Variants in CAMTA1 observed in about 807,000 individuals in gnomAD.
The protein encoded by CAMTA1 is calmodulin binding transcription activator 1.
Under a neutral mutation model 170.9 loss-of-function variants are expected in CAMTA1, and 27 were observed. That is an observed-to-expected ratio of 0.16 (90% CI 0.12 to 0.22). CAMTA1 has a LOEUF of 0.22. Among genes scored for constraint, CAMTA1 ranks in the 10% least tolerant of loss-of-function variants. The pLI is 1.00. For synonymous variants in CAMTA1, 833 were observed against 891.5 expected (o/e 0.93, Z 1.17); for missense variants, 1,619 against 2,217.2 (o/e 0.73, Z 5.42).
In CAMTA1 at chr1:7,067,703, A is replaced by G. The variant is rs1035974074; in HGVS notation, c.235-23601A>G. Among the ~76,000 whole-genome samples, 1 of 152,186 alleles carries G rather than the reference A, an allele frequency of 6.6e-6. No individual in the cohort carries two copies. The highest frequency in any genetic ancestry group is 1.5e-5 in the Non-Finnish European group (1 of 68,036). On this transcript the variant is annotated intron_variant, in intron 3 of 22. Coordinates refer to ENST00000303635, the MANE Select transcript of CAMTA1 (RefSeq NM_015215.4). The surrounding 1 kb of genome is among the most constrained non-coding windows in gnomAD (Gnocchi z 4.3). ...AGGGCAACTTTTGATGGTTTCCCCAATAGCATTCCCGTCTTATTTCTTGCC... is the reference window on the plus strand; with the variant it reads ...AGGGCAACTTTTGATGGTTTCCCCAGTAGCATTCCCGTCTTATTTCTTGCC...
chr1:7,511,576 G>C (rs567436401), intron 6 of CAMTA1, among the ~76,000 whole-genome samples: 1 of 152,244 alleles, frequency 6.6e-6, no homozygotes, highest in Non-Finnish European at 1.5e-5. Flanking sequence ...TCCAGCTGCT[G>C]CTAGGCATTC....
chr1:6,953,143 GC>G (rs1317031800), intron 3 of CAMTA1, among the ~76,000 whole-genome samples: 2 of 152,174 alleles, frequency 1.3e-5, no homozygotes, highest in African/African-American at 4.8e-5. Flanking sequence ...TTGCCTGATA[GC>G]CCGTCCTGCA....
At chr1:7,514,376 G>A (rs1316536844) in intron 6 of CAMTA1, among the ~76,000 whole-genome samples, 2 of 152,222 alleles carry the variant, frequency 1.3e-5, no homozygotes, top group Non-Finnish European at 2.9e-5. Flanking sequence ...AGGTGCTCCA[G>A]AAGGGAAGGG....
intron 6 of CAMTA1, among the ~76,000 whole-genome samples, chr1:7,492,309 C>T (rs1459037656): frequency 6.6e-6 from 1 of 152,174 alleles, no homozygotes; most frequent in Non-Finnish European, 1.5e-5. Context: ...ACCTGCTCTG[C>T]CCTGCTTAGG....
chr1:6,878,675 G>A (rs1302142745), intron 3 of CAMTA1, among the ~76,000 whole-genome samples: 2 of 152,194 alleles, frequency 1.3e-5, no homozygotes, highest in Non-Finnish European at 2.9e-5. Context: ...GCTCCCCCAA[G>A]GATCCCCAGC....
intron 4 of CAMTA1, among the ~76,000 whole-genome samples, chr1:7,094,134 C>T (rs1641794569): frequency 6.6e-6 from 1 of 152,162 alleles, no homozygotes; most frequent in African/African-American, 2.4e-5. Flanking sequence ...CGGAAGGTTT[C>T]CTATTAGTAT....
At chr1:7,493,370 T>C (rs72642891) in intron 6 of CAMTA1, among the ~76,000 whole-genome samples, 20,915 of 75,366 alleles carry the variant, frequency 0.28, 3,067 homozygotes, top group Middle Eastern at 0.32. Context: ...CAAACACACG[T>C]GCGCACACAC....
intron 5 of CAMTA1, among the ~76,000 whole-genome samples, chr1:7,283,035 TAAGGAAC>T (rs893935555): frequency 1.9e-3 from 284 of 152,282 alleles, no homozygotes; most frequent in African/African-American, 6.1e-3. Flanking sequence ...TCTTCAATGA[TAAGGAAC>T]AAGTTAAATA....
chr1:7,124,120 C>T (rs1209816679), intron 4 of CAMTA1, among the ~76,000 whole-genome samples: 2 of 152,122 alleles, frequency 1.3e-5, no homozygotes, highest in Non-Finnish European at 2.9e-5. Context: ...CCGCATTTGT[C>T]ACTGGGTCCC....
chr1:6,858,489 G>GT (rs1663329739), intron 3 of CAMTA1, among the ~76,000 whole-genome samples: 2 of 146,408 alleles, frequency 1.4e-5, no homozygotes, highest in Non-Finnish European at 3.0e-5. Flanking sequence ...TGTGTGTTGG[G>GT]GGGGGGGTGT....
At chr1:7,587,429 G>A (rs2095320657) in intron 6 of CAMTA1, among the ~76,000 whole-genome samples, 1 of 152,110 alleles carries the variant, frequency 6.6e-6, no homozygotes, top group Non-Finnish European at 1.5e-5. Context: ...TGAGTCGGCA[G>A]CACGCCCTCC....
At chr1:6,932,662 G>A (rs1322365267) in intron 3 of CAMTA1, among the ~76,000 whole-genome samples, 1 of 152,136 alleles carries the variant, frequency 6.6e-6, no homozygotes, top group African/African-American at 2.4e-5. Context: ...CCTTCCTACG[G>A]TCAGTCTTTG....
intron 3 of CAMTA1, among the ~76,000 whole-genome samples, chr1:6,889,127 T>C (rs1415327097): frequency 6.6e-6 from 1 of 152,230 alleles, no homozygotes; most frequent in African/African-American, 2.4e-5. Flanking sequence ...TTAAAGCTGT[T>C]TCAGTTCCTT....
At chr1:7,135,955 A>G (rs1645517481) in intron 4 of CAMTA1, among the ~76,000 whole-genome samples, 1 of 152,156 alleles carries the variant, frequency 6.6e-6, no homozygotes, top group Non-Finnish European at 1.5e-5. Context: ...TATGGTACTT[A>G]CCTGGCTATA....
intron 3 of CAMTA1, among the ~76,000 whole-genome samples, chr1:6,851,086 C>CA (rs1298605475): frequency 6.6e-6 from 1 of 152,158 alleles, no homozygotes; most frequent in Non-Finnish European, 1.5e-5. Context: ...GGATTTAAGA[C>CA]AATGTTACTG....
At position 7,041,978 on chromosome 1, in the gene CAMTA1, T is replaced by G. The variant is rs1704532306; in HGVS notation, c.235-49326T>G. On this transcript the variant is annotated intron_variant, in intron 3 of 22. Transcript: ENST00000303635. This position sits in a 1 kb window ranked among gnomAD's most constrained non-coding sequence, Gnocchi z 5.1. ...AGAAGCTCCTAGAATGGGTTGAGGT[T>G]GTTGGATGCTTGTCCCTGGAGAGTT... 6.6e-6 allele frequency among the ~76,000 whole-genome samples: 1 copy of G among 152,208 alleles called. No homozygotes were observed.
intron 3 of CAMTA1, among the ~76,000 whole-genome samples, chr1:6,890,530 G>A (rs1674274080): frequency 6.6e-6 from 1 of 151,970 alleles, no homozygotes; most frequent in Admixed American, 6.6e-5. Flanking sequence ...TCCCTGGAGG[G>A]CAGCCCACCT....
chr1:7,065,466 G>T lies in CAMTA1; in HGVS notation c.235-25838G>T, dbSNP rs763400200. On this transcript the variant is annotated intron_variant, in intron 3 of 22. Coordinates refer to ENST00000303635, the MANE Select transcript of CAMTA1 (RefSeq NM_015215.4). The surrounding 1 kb of genome is among the most constrained non-coding windows in gnomAD (Gnocchi z 5.2). ...GGAATGGAGGAAGGAGAGAGGGCTG[G>T]AGGAAGAAAGGAAGAGAAACTAATT... Among the ~76,000 whole-genome samples, 4 of 152,188 alleles carry T rather than the reference G, an allele frequency of 2.6e-5. No homozygotes were observed. The highest frequency in any genetic ancestry group is 5.9e-5 in the Non-Finnish European group (4 of 68,038).
chr1:6,872,629 A>G (rs571698248), intron 3 of CAMTA1, among the ~76,000 whole-genome samples: 4 of 152,290 alleles, frequency 2.6e-5, no homozygotes, highest in African/African-American at 9.6e-5. Context: ...CAATTTCATG[A>G]CTGTTTTTCA....
Sources: gnomAD v4.1 joint callset for allele counts (sites outside exome capture counted in the v4.1 genomes callset) on GRCh38, gnomAD v4.1.1 for gene constraint, Gnocchi (gnomAD v3.1) non-coding constraint, MANE v1.5 for transcripts, NCBI Gene and HGNC (gene_info 2026-07-23, HGNC 2026-07-21) for gene names.